Variants in SEPTIN7 observed in about 807,000 individuals in gnomAD.
The protein encoded by SEPTIN7 is septin 7.
A neutral mutation model predicts 63.3 loss-of-function variants in SEPTIN7; 10 were observed. That is an observed-to-expected ratio of 0.16 (90% confidence interval 0.10 to 0.27). The LOEUF (loss-of-function observed/expected upper bound fraction) is 0.27. Among genes scored for constraint, SEPTIN7 ranks in the 10% least tolerant of loss-of-function variants. The pLI is 1.00. For missense variants in SEPTIN7, 310 were observed against 521.0 expected (o/e 0.59, Z 3.94); for synonymous variants, 131 against 165.3 (o/e 0.79, Z 1.59).
chr7:35,862,507 G>A (rs1428562166), intron 3 of SEPTIN7, among the ~76,000 whole-genome samples: 2 of 152,072 alleles, frequency 1.3e-5, no homozygotes, highest in African/African-American at 4.8e-5. Flanking sequence ...AGGTATAAGA[G>A]TTAAGAAAGA....
intron 1 of SEPTIN7, among the ~76,000 whole-genome samples, chr7:35,816,139 G>T (rs967087410): frequency 3.3e-5 from 5 of 152,022 alleles, no homozygotes; most frequent in African/African-American, 1.2e-4. Flanking sequence ...GTGGTTTTTC[G>T]TGTATTCAGG....
At chr7:35,810,995 C>T (rs1317483415) in intron 1 of SEPTIN7, among the ~76,000 whole-genome samples, 7 of 151,458 alleles carry the variant, frequency 4.6e-5, no homozygotes. Flanking sequence ...TATCGAACTC[C>T]TGACCTGAGG....
chr7:35,872,810 A>G (rs751081938), intron 5 of SEPTIN7, 44 bp downstream of exon 5: 1 of 1,305,708 alleles, frequency 7.7e-7, no homozygotes, highest in African/African-American at 1.5e-5. Context: ...CATTTGGGGT[A>G]CTGGGGTGGT....
At chr7:35,880,780 C>G (rs576875952) in intron 7 of SEPTIN7, among the ~76,000 whole-genome samples, 8 of 152,156 alleles carry the variant, frequency 5.3e-5, no homozygotes, top group African/African-American at 1.9e-4. Flanking sequence ...TGCTGTATGA[C>G]TGAGCTAGCT....
chr7:35,807,608 C>T (rs1351874708), intron 1 of SEPTIN7, among the ~76,000 whole-genome samples: 3 of 151,910 alleles, frequency 2.0e-5, no homozygotes, highest in Non-Finnish European at 2.9e-5. Flanking sequence ...CATGATCCGC[C>T]CGTCTTGGCC....
chr7:35,801,544 G>T (rs1019481065), intron 1 of SEPTIN7, among the ~76,000 whole-genome samples: 26 of 151,252 alleles, frequency 1.7e-4, no homozygotes, highest in Non-Finnish European at 3.7e-4. Flanking sequence ...GCGCAGAGCC[G>T]CGGCCTCCGC....
chr7:35,857,479 G>T (rs1785267779), intron 3 of SEPTIN7, among the ~76,000 whole-genome samples: 1 of 152,092 alleles, frequency 6.6e-6, no homozygotes, highest in East Asian at 1.9e-4. Context: ...CATGGGTAAA[G>T]TTTCTTGAAA....
chr7:35,904,158 C>T, intron 13 of SEPTIN7, 96 bp from the exon 14 acceptor site: 2 of 842,510 alleles, frequency 2.4e-6, no homozygotes, highest in South Asian at 5.9e-5. Context: ...CTGAAAATCC[C>T]AACATTGTTG....
downstream of SEPTIN7, among the ~76,000 whole-genome samples, chr7:35,907,947 C>T (rs1159809717): frequency 6.6e-6 from 1 of 152,184 alleles, no homozygotes; most frequent in Non-Finnish European, 1.5e-5. Flanking sequence ...CTGCTGGGGT[C>T]ATGACAGACC....
intron 2 of SEPTIN7, chr7:35,831,955 C>G: frequency 3.2e-6 from 1 of 316,914 alleles, no homozygotes; most frequent in Non-Finnish European, 6.1e-6. Flanking sequence ...TGAGATAAGA[C>G]TGCCTCCAAA....
the SEPTIN7 span, among the ~76,000 whole-genome samples, chr7:35,914,421 G>A: frequency 6.6e-6 from 1 of 152,172 alleles, no homozygotes; most frequent in African/African-American, 2.4e-5. Flanking sequence ...CACTTAATCA[G>A]TTGAAGGCCT....
At chr7:35,828,726 A>G (rs963829837) in intron 1 of SEPTIN7, among the ~76,000 whole-genome samples, 6 of 151,958 alleles carry the variant, frequency 3.9e-5, no homozygotes, top group Non-Finnish European at 7.4e-5. Context: ...TCCTGTTTCA[A>G]TAGTATCTGC....
chr7:35,831,613 C>A, intron 2 of SEPTIN7, 117 bp downstream of exon 2: 1 of 274,724 alleles, frequency 3.6e-6, no homozygotes, highest in Non-Finnish European at 7.1e-6. Context: ...ATTTCTAACT[C>A]CACTCATAGC....
intron 6 of SEPTIN7, among the ~76,000 whole-genome samples, chr7:35,877,511 CAAT>C (rs1218592018): frequency 1.3e-5 from 2 of 152,070 alleles, no homozygotes; most frequent in African/African-American, 2.4e-5. Flanking sequence ...ATTAGTATGT[CAAT>C]AAAATTATTA....
intron 1 of SEPTIN7, among the ~76,000 whole-genome samples, chr7:35,823,009 C>CT (rs1562747832): frequency 6.6e-6 from 1 of 151,896 alleles, no homozygotes; most frequent in African/African-American, 2.4e-5. Flanking sequence ...TTGAGCCATC[C>CT]TTTTTTTTCT....
At chr7:35,840,220 C>T (rs1382670335) in intron 3 of SEPTIN7, among the ~76,000 whole-genome samples, 1 of 88,470 alleles carries the variant, frequency 1.1e-5, no homozygotes, top group African/African-American at 4.4e-5. Flanking sequence ...TCCCCTCCCC[C>T]CTTCCCCCCT....
intron 3 of SEPTIN7, among the ~76,000 whole-genome samples, chr7:35,844,434 C>T: frequency 6.6e-6 from 1 of 150,728 alleles, no homozygotes; most frequent in East Asian, 1.9e-4. Context: ...GAAAATAAGC[C>T]TTCTGTATTT....
At chr7:35,831,113 T>C (rs1357397895) in intron 1 of SEPTIN7, among the ~76,000 whole-genome samples, 1 of 152,220 alleles carries the variant, frequency 6.6e-6, no homozygotes, top group Non-Finnish European at 1.5e-5. Context: ...CTTTATACTT[T>C]TGTATCTTTT....
chr7:35,854,060 A>G (rs917346240), intron 3 of SEPTIN7, among the ~76,000 whole-genome samples: 5 of 152,220 alleles, frequency 3.3e-5, no homozygotes, highest in African/African-American at 7.2e-5. Flanking sequence ...CGTGATGCTC[A>G]AAGGAAATGC....
Sources: gnomAD v4.1 joint callset for allele counts (sites outside exome capture counted in the v4.1 genomes callset) on GRCh38, gnomAD v4.1.1 for gene constraint, MANE v1.5 for transcripts, NCBI Gene and HGNC (gene_info 2026-07-23, HGNC 2026-07-21) for gene names.